RBMXL3: variants seen among roughly 807,000 people sequenced by gnomAD.
RBMXL3 encodes the protein RNA-binding motif protein, X-linked-like-3.
RBMXL3 carries 2 observed loss-of-function variants against 0.8 expected under a neutral mutation model. That is an observed-to-expected ratio of 2.54 (90% CI 1.04 to 8.00). The LOEUF is 8.00. Ranked by LOEUF, RBMXL3 falls within the 30% of genes most tolerant of loss-of-function variation. The pLI, the probability that RBMXL3 is intolerant of heterozygous loss-of-function variation, is 0.04. For missense variants in RBMXL3, 1,127 were observed against 1,068.0 expected, an observed-to-expected ratio of 1.06 and a Z score of -0.77; for synonymous variants, 447 against 449.8, an observed-to-expected ratio of 0.99 and a Z score of 0.08.
rs1344176388 is a variant in RBMXL3 at position 115,190,059 on chromosome X, G to A, written c.618G>A (p.Arg206=). 2 of 1,153,662 alleles carry A rather than the reference G, an allele frequency of 1.7e-6. No individual in the cohort carries two copies. The highest frequency in any genetic ancestry group is 2.3e-6 in the Non-Finnish European group (2 of 866,724). ...GCTGGGCCGGCCCACCCCACAAGAG[G>A]GCTGTGCCCCGGTCAAGCCTGGCTC... The part of the protein sequence containing the change: ...PRRWAGPPHK[R]AVPRSSLARI... The change falls in exon 1 of 1, where the codon AGG becomes AGA. Residue 206 remains arginine (R), a synonymous_variant. Coordinates refer to ENST00000424776, the MANE Select transcript of RBMXL3 (RefSeq NM_001145346.2).
rs782388891 is a variant in RBMXL3 at position 115,189,486 on chromosome X, C to T, written c.45C>T (p.Leu15=). 3 of 1,179,883 alleles carry T rather than the reference C, an allele frequency of 2.5e-6. No homozygotes were observed. The highest frequency in any genetic ancestry group is 3.5e-5 in the African/African-American group (2 of 56,706). ...DRPEKLFIGG[L]NLKTDEKALK... ...CAGAGAAGCTTTTCATTGGGGGCCT[C>T]AACCTCAAAACCGACGAGAAAGCCC... is the stretch of plus-strand genomic sequence containing the variant. Residue 15 remains leucine (L), a synonymous_variant, in exon 1 of 1, where the codon CTC becomes CTT. Coordinates refer to ENST00000424776, the MANE Select transcript of RBMXL3 (RefSeq NM_001145346.2).
At position 115,189,835 on chromosome X, in the gene RBMXL3, G is replaced by A. The variant is rs782502613; in HGVS notation, c.394G>A (p.Gly132Ser). 4.5e-4 allele frequency: 523 copies of A among 1,166,264 alleles called. No homozygotes were observed. Among genetic ancestry groups the A allele is most frequent in the Non-Finnish European group, 5.6e-4 (493 of 872,883 alleles). Residue 132 changes from glycine (G) to serine (S), a missense_variant, in exon 1 of 1, where the codon GGC becomes AGC. Gly to Ser is a moderately conservative substitution (Grantham distance 56, BLOSUM62 0). Coordinates refer to ENST00000424776, the MANE Select transcript of RBMXL3 (RefSeq NM_001145346.2). ...PSQGRPDDGR[G>S]YAGYFDLWPY... Reference sequence around the variant, plus strand: ...TCAGGGCAGGCCTGATGACGGCCGCGGCTACGCGGGGTATTTCGACCTGTG... The same window carrying A: ...TCAGGGCAGGCCTGATGACGGCCGCAGCTACGCGGGGTATTTCGACCTGTG...
rs781818286 is a variant in RBMXL3, at chrX:115,190,472, G to A, written c.1031G>A (p.Arg344His). 55 of 1,166,215 alleles carry A rather than the reference G, an allele frequency of 4.7e-5. No individual in the cohort carries two copies. Among genetic ancestry groups the A allele is most frequent in the Non-Finnish European group, 6.0e-5 (52 of 872,707 alleles). Residue 344 changes from arginine to histidine, a missense_variant, in exon 1 of 1, where the codon CGC (arginine) becomes CAC (histidine). Physicochemically the swap from Arg to His is conservative, Grantham distance 29 (BLOSUM62 0). Transcript: ENST00000424776. ...TCGCCCGATGCCTGCAGTGAAGGCC[G>A]CTCGTCCGAGGCCTTGCCAGTCGTC... ...GNSPDACSEG[R>H]SSEALPVVLP...
Position 115,190,945 on chromosome X carries a change from G to A in RBMXL3, c.1504G>A (p.Asp502Asn), listed in dbSNP as rs116514711. Reference sequence around the variant, plus strand: ...GGGCCACGACAATTCCAGCTGGAGCGACCGCTACGGAGTAGGAGGCCACTA... The same window carrying A: ...GGGCCACGACAATTCCAGCTGGAGCAACCGCTACGGAGTAGGAGGCCACTA... ...SGGHDNSSWS[D>N]RYGVGGHYEE... Residue 502 changes from aspartate (D) to asparagine (N), a missense_variant, in exon 1 of 1, where the codon GAC becomes AAC. Transcript: ENST00000424776. The A allele has an allele frequency of 2.7e-3, 3,058 of 1,124,949 alleles. 52 individuals are homozygous for A. The African/African-American group carries it at 0.055, about 20-fold the overall frequency. The allele number at this position is 1,124,949 out of a possible 1,213,427, so 92.7% of individuals were successfully genotyped here. A position where few individuals can be genotyped will look rare whatever the true frequency, so the allele number is the denominator to read the frequency against.
Position 115,192,480 on chromosome X carries a change from G to A in RBMXL3, c.3039G>A (p.Arg1013=), listed in dbSNP as rs1377295471. ...ACGGCCGGAGCGACCGCTACTCGAG[G>A]GGTCGAGACCGGGTAGGCAGACCGG... ...NSYGRSDRYS[R]GRDRVGRPDR... is the part of the protein sequence containing the mutation. Residue 1013 remains arginine, a synonymous_variant, in exon 1 of 1, where the codon AGG becomes AGA. Transcript: ENST00000424776. 8.5e-7 allele frequency: 1 copy of A among 1,171,005 alleles called. No homozygotes were observed. Among genetic ancestry groups the A allele is most frequent in the East Asian group, 3.2e-5 (1 of 30,854 alleles).
At position 115,189,738 on chromosome X, in the gene RBMXL3, C is replaced by T. The variant is rs782809501; in HGVS notation, c.297C>T (p.Pro99=). The T allele has an allele frequency of 5.9e-5, 69 of 1,165,675 alleles. No homozygotes were observed. The highest frequency in any genetic ancestry group is 1.3e-4 in the Admixed American group (5 of 38,728). ...FKSSRWVPPT[P]GSGSRSRFSH... is the part of the protein sequence containing the mutation. ...GCAGCCGATGGGTCCCGCCAACCCC[C>T]GGCAGCGGCAGTCGCTCAAGGTTCT... Residue 99 remains proline (P), a synonymous_variant, in exon 1 of 1, where the codon CCC becomes CCT. Coordinates refer to ENST00000424776, the MANE Select transcript of RBMXL3 (RefSeq NM_001145346.2).
At position 115,190,250 on chromosome X, in the gene RBMXL3, C is replaced by T. The variant is rs993285671; in HGVS notation, c.809C>T (p.Pro270Leu). The T allele has an allele frequency of 1.4e-5, 16 of 1,157,938 alleles. No individual in the cohort carries two copies. The highest frequency in any genetic ancestry group is 2.6e-5 in the Admixed American group (1 of 38,114). ...SRRYYGHSSV[P>L]DYRPLRGDGN... ...CGCTATTATGGCCACTCCAGTGTCC[C>T]GGACTACCGTCCCTTGAGAGGCGAC... is the stretch of plus-strand genomic sequence containing the variant. The change falls in exon 1 of 1, where the codon CCG becomes CTG. Residue 270 changes from proline to leucine, a missense_variant. Transcript: ENST00000424776.
chrX:115,192,430 G>C lies in RBMXL3; in HGVS notation c.2989G>C (p.Asp997His). Residue 997 changes from aspartate to histidine, a missense_variant, in exon 1 of 1, where the codon GAC becomes CAC. Coordinates refer to ENST00000424776, the MANE Select transcript of RBMXL3 (RefSeq NM_001145346.2). ...QGSLPDAYSG[D>H]HDRSSNSYGR... ...CAGCTTGCCTGACGCCTACAGCGGCGACCACGACAGATCCAGCAACAGTTA... is the reference window on the plus strand; with the variant it reads ...CAGCTTGCCTGACGCCTACAGCGGCCACCACGACAGATCCAGCAACAGTTA... 8.6e-7 allele frequency: 1 copy of C among 1,167,098 alleles called. No individual in the cohort carries two copies. Among genetic ancestry groups the C allele is most frequent in the Middle Eastern group, 2.3e-4 (1 of 4,298 alleles).
chrX:115,190,401 G>A lies in RBMXL3; in HGVS notation c.960G>A (p.Pro320=), dbSNP rs1266202060. The A allele has an allele frequency of 2.6e-5, 30 of 1,163,502 alleles. No individual in the cohort carries two copies. Among genetic ancestry groups the A allele is most frequent in the East Asian group, 3.3e-5 (1 of 30,695 alleles). The change falls in exon 1 of 1, where the codon CCG becomes CCA. Residue 320 remains proline (P), a synonymous_variant. Transcript: ENST00000424776. ...PCGAAPVWGT[P]PSYGGGCRYE... is the part of the protein sequence containing the mutation. The stretch of plus-strand genomic sequence containing the variant: ...GCGCTGCCCCTGTGTGGGGGACACC[G>A]CCATCTTATGGAGGAGGATGCCGCT...
rs1367168923 is a variant in RBMXL3 at position 115,190,388 on chromosome X, T to C, written c.947T>C (p.Val316Ala). The change falls in exon 1 of 1, where the codon GTG becomes GCG. Residue 316 changes from valine (V) to alanine (A), a missense_variant. Coordinates refer to ENST00000424776, the MANE Select transcript of RBMXL3 (RefSeq NM_001145346.2). ...SYGGPCGAAPVWGTPPSYGGG... is the reference protein window; with the variant it reads ...SYGGPCGAAPAWGTPPSYGGG... ...GGAGGCCCATGCGGCGCTGCCCCTG[T>C]GTGGGGGACACCGCCATCTTATGGA... 2.6e-6 allele frequency: 3 copies of C among 1,161,374 alleles called. No homozygotes were observed. The highest frequency in any genetic ancestry group is 3.9e-5 in the South Asian group (2 of 51,839).
Position 115,190,866 on chromosome X carries a change from A to G in RBMXL3, c.1425A>G (p.Gln475=), listed in dbSNP as rs2072798760. 4 of 1,155,916 alleles carry G rather than the reference A, an allele frequency of 3.5e-6. No homozygotes were observed. The highest frequency in any genetic ancestry group is 4.6e-6 in the Non-Finnish European group (4 of 866,592). ...CGGGGRYEEY[Q]GRSLDANSGG... ...GAGGAGGCCGTTATGAGGAGTACCAAGGCCGCTCGCTGGATGCCAACAGTG... is the reference window on the plus strand; with the variant it reads ...GAGGAGGCCGTTATGAGGAGTACCAGGGCCGCTCGCTGGATGCCAACAGTG... The change falls in exon 1 of 1, where the codon CAA becomes CAG. Residue 475 remains glutamine (Q), a synonymous_variant. Coordinates refer to ENST00000424776, the MANE Select transcript of RBMXL3 (RefSeq NM_001145346.2).
chrX:115,191,705 G>T lies in RBMXL3; in HGVS notation c.2264G>T (p.Arg755Leu), dbSNP rs782216693. ...GRSLDANSSGRLPDAYSGGHD... is the reference protein window; with the variant it reads ...GRSLDANSSGLLPDAYSGGHD... ...TCACTCGATGCCAACAGCAGTGGCCGCTTGCCTGACGCCTACAGTGGGGGC... is the reference window on the plus strand; with the variant it reads ...TCACTCGATGCCAACAGCAGTGGCCTCTTGCCTGACGCCTACAGTGGGGGC... Residue 755 changes from arginine (R) to leucine (L), a missense_variant, in exon 1 of 1, where the codon CGC becomes CTC. Physicochemically the swap from Arg to Leu is moderately radical, Grantham distance 102. Transcript: ENST00000424776. 6 of 1,161,385 alleles carry T rather than the reference G, an allele frequency of 5.2e-6. No individual in the cohort carries two copies. Among genetic ancestry groups the T allele is most frequent in the Admixed American group, 2.6e-5 (1 of 37,983 alleles).
Position 115,192,596 on chromosome X carries a change from G to A in RBMXL3, c.3155G>A (p.Gly1052Asp). The A allele has an allele frequency of 8.5e-7, 1 of 1,171,447 alleles. No individual in the cohort carries two copies. The highest frequency in any genetic ancestry group is 1.1e-6 in the Non-Finnish European group (1 of 874,861). ...GGCTGCAGGGTGCCCAGGGGCGGAG[G>A]CCGTCAAGGAGGCCGCTTCGAGAGG... ...RSGCRVPRGG[G>D]RQGGRFERGE... Residue 1052 changes from glycine to aspartate, a missense_variant, in exon 1 of 1, where the codon GGC becomes GAC. Gly to Asp is a moderately conservative substitution (Grantham distance 94, BLOSUM62 -1). Coordinates refer to ENST00000424776, the MANE Select transcript of RBMXL3 (RefSeq NM_001145346.2).
In RBMXL3 at chrX:115,191,076, C is replaced by G. The variant is rs1424300666; in HGVS notation, c.1635C>G (p.His545Gln). 3.4e-6 allele frequency: 4 copies of G among 1,163,957 alleles called. No individual in the cohort carries two copies. The highest frequency in any genetic ancestry group is 3.4e-6 in the Non-Finnish European group (3 of 872,251). ...CCAGCAACAGTTACGGCCAGAGCCA[C>G]CGCTATGGAGGAGAAGGCCGCTATG... ...SSSSNSYGQSHRYGGEGRYEY... is the reference protein window; with the variant it reads ...SSSSNSYGQSQRYGGEGRYEY... The change falls in exon 1 of 1, where the codon CAC becomes CAG. Residue 545 changes from histidine to glutamine, a missense_variant. Physicochemically the swap from His to Gln is conservative, Grantham distance 24. Coordinates refer to ENST00000424776, the MANE Select transcript of RBMXL3 (RefSeq NM_001145346.2).
rs781859119 is a variant in RBMXL3 at position 115,190,312 on chromosome X, T to C, written c.871T>C (p.Tyr291His). Residue 291 changes from tyrosine (Y) to histidine (H), a missense_variant, in exon 1 of 1, where the codon TAC becomes CAC. By Grantham distance (83) the Tyr-to-His change is moderately conservative. Transcript: ENST00000424776. ...TGGCTACAGGGGTCGCGACCATGAG[T>C]ACACAGATCATCCCAGCAAAGGCTC... ...QNGYRGRDHE[Y>H]TDHPSKGSYR... 16 of 1,153,807 alleles carry C rather than the reference T, an allele frequency of 1.4e-5. No individual in the cohort carries two copies. In the East Asian group the frequency reaches 5.3e-4, roughly 38 times the overall value.
In RBMXL3 at chrX:115,192,593, G is replaced by T. The variant is rs911159842; in HGVS notation, c.3152G>T (p.Gly1051Val). 8.5e-7 allele frequency: 1 copy of T among 1,171,656 alleles called. No homozygotes were observed. Among genetic ancestry groups the T allele is most frequent in the Non-Finnish European group, 1.1e-6 (1 of 874,931 alleles). Residue 1051 changes from glycine to valine, a missense_variant, in exon 1 of 1, where the codon GGA becomes GTA. Coordinates refer to ENST00000424776, the MANE Select transcript of RBMXL3 (RefSeq NM_001145346.2). The stretch of plus-strand genomic sequence containing the variant: ...TCAGGCTGCAGGGTGCCCAGGGGCG[G>T]AGGCCGTCAAGGAGGCCGCTTCGAG... ...SRSGCRVPRG[G>V]GRQGGRFERG...
rs917815575 is a variant in RBMXL3, at chrX:115,189,711, G to A, written c.270G>A (p.Lys90=). 37 of 1,166,711 alleles carry A rather than the reference G, an allele frequency of 3.2e-5. No individual in the cohort carries two copies. Among genetic ancestry groups the A allele is most frequent in the Admixed American group, 2.1e-4 (8 of 38,783 alleles). Residue 90 remains lysine, a synonymous_variant, in exon 1 of 1, where the codon AAG becomes AAA. Coordinates refer to ENST00000424776, the MANE Select transcript of RBMXL3 (RefSeq NM_001145346.2). ...CCCAGACCATCAAACCGGCATTCAA[G>A]AGCAGCCGATGGGTCCCGCCAACCC... ...MVAQTIKPAF[K]SSRWVPPTPG...
rs782075900 is a variant in RBMXL3, at chrX:115,190,092, C to T, written c.651C>T (p.Gly217=). Residue 217 remains glycine (G), a synonymous_variant, in exon 1 of 1, where the codon GGC becomes GGT. Transcript: ENST00000424776. ...AVPRSSLARI[G]GSGMPGKAPA... Reference sequence around the variant, plus strand: ...CCCGGTCAAGCCTGGCTCGCATTGGCGGCAGTGGAATGCCTGGGAAGGCCC... The same window carrying T: ...CCCGGTCAAGCCTGGCTCGCATTGGTGGCAGTGGAATGCCTGGGAAGGCCC... 1.7e-4 allele frequency: 198 copies of T among 1,153,345 alleles called. No homozygotes were observed. The highest frequency in any genetic ancestry group is 2.2e-4 in the Non-Finnish European group (190 of 865,298).
rs781892590 is a variant in RBMXL3, at chrX:115,192,363, C to T, written c.2922C>T (p.Ser974=). Reference sequence around the variant, plus strand: ...GTTCCATCAAGAGTTACGGCCTGAGCGACCGCTACGGAGGAGGAGGCCACT... The same window carrying T: ...GTTCCATCAAGAGTTACGGCCTGAGTGACCGCTACGGAGGAGGAGGCCACT... ...RDSSIKSYGL[S]DRYGGGGHYE... The change falls in exon 1 of 1, where the codon AGC becomes AGT. Residue 974 remains serine (S), a synonymous_variant. Transcript: ENST00000424776. The T allele has an allele frequency of 8.3e-6, 9 of 1,077,889 alleles. No individual in the cohort carries two copies. Among genetic ancestry groups the T allele is most frequent in the Non-Finnish European group, 8.7e-6 (7 of 807,480 alleles). The allele number at this position is 1,077,889 out of a possible 1,213,427, so 88.8% of individuals were successfully genotyped here.
Sources: allele counts gnomAD v4.1 joint callset, GRCh38; gene constraint gnomAD v4.1.1; transcripts MANE v1.5; gene names NCBI Gene and HGNC (gene_info 2026-07-23, HGNC 2026-07-21).